NCOR2: variants seen among roughly 807,000 people sequenced by gnomAD.
NCOR2 encodes the protein nuclear receptor corepressor 2, also known as CTG repeat protein 26.
Under a neutral mutation model 262.9 loss-of-function variants are expected in NCOR2, and 81 were observed. The observed-to-expected ratio is 0.31, with a 90% CI of 0.26 to 0.37. The LOEUF (loss-of-function observed/expected upper bound fraction) is 0.37. NCOR2 is among the 10% of genes least tolerant of loss of function. The probability of loss-of-function intolerance (pLI) is 1.00; values close to 1 mark genes in which losing one functional copy is unlikely to be tolerated. For missense variants in NCOR2, 3,385 were observed against 3,621.4 expected (o/e 0.93, Z 1.68); for synonymous variants, 1,659 against 1,559.3 (o/e 1.06, Z -1.51).
At position 124,443,917 on chromosome 12, in the gene NCOR2, T is replaced by G. The variant is rs936589768; in HGVS notation, c.815+5898A>C. On this transcript the variant is annotated intron_variant, in intron 7 of 46. Transcript: ENST00000405201. The surrounding 1 kb of genome is among the most constrained non-coding windows in gnomAD (Gnocchi z 4.4). ...CAGGCCATCGGGCCACACCCCTTCATGGCCACAGGCTGGGAAACTGAGGCT... is the reference window on the plus strand; with the variant it reads ...CAGGCCATCGGGCCACACCCCTTCAGGGCCACAGGCTGGGAAACTGAGGCT... 6.6e-6 allele frequency among the ~76,000 whole-genome samples: 1 copy of G among 152,124 alleles called. No individual in the cohort carries two copies. Among genetic ancestry groups the G allele is most frequent in the Admixed American group, 6.5e-5 (1 of 15,270 alleles).
chr12:124,530,523 C>T (rs1357596319), intron 1 of NCOR2, among the ~76,000 whole-genome samples: 2 of 152,164 alleles, frequency 1.3e-5, no homozygotes, highest in Non-Finnish European at 2.9e-5. Flanking sequence ...TCACTCCATT[C>T]CCAGTACCCA....
intron 5 of NCOR2, among the ~76,000 whole-genome samples, chr12:124,463,513 G>A (rs1293764697): frequency 1.3e-5 from 2 of 152,226 alleles, no homozygotes; most frequent in East Asian, 1.9e-4. Flanking sequence ...GGGGAGGCGG[G>A]AAAAGCCTCG....
intron 1 of NCOR2, among the ~76,000 whole-genome samples, chr12:124,501,996 G>A (rs948669382): frequency 6.6e-6 from 1 of 152,242 alleles, no homozygotes; most frequent in African/African-American, 2.4e-5. Flanking sequence ...AGCTCCACGG[G>A]TCGAGCTGTT....
At chr12:124,338,036 C>T (rs540016098) in intron 37 of NCOR2, among the ~76,000 whole-genome samples, 4 of 152,372 alleles carry the variant, frequency 2.6e-5, no homozygotes, top group African/African-American at 9.6e-5. Flanking sequence ...GTGCTTCATG[C>T]ACCTGCTGGG....
intron 26 of NCOR2, 36 bp downstream of exon 28, chr12:124,354,442 G>A (rs930813788): frequency 1.3e-5 from 19 of 1,452,186 alleles, no homozygotes; most frequent in African/African-American, 5.7e-5. Context: ...AGGAACAGGG[G>A]CAGATGCTGG....
exon 10 of NCOR2, chr12:124,429,685 A>G: frequency 6.2e-7 from 1 of 1,607,644 alleles, no homozygotes; most frequent in African/African-American, 1.3e-5. Context: ...TGGACAGCCC[A>G]CTGCCCCGCT....
At chr12:124,331,551 G>T (rs562752171) in intron 43 of NCOR2, 12 of 154,066 alleles carry the variant, frequency 7.8e-5, no homozygotes, top group African/African-American at 2.9e-4. Flanking sequence ...TGACCTCCGA[G>T]GCTCAAGAAA....
At chr12:124,371,650 G>T (rs112835754) in intron 20 of NCOR2, among the ~76,000 whole-genome samples, 1 of 152,286 alleles carries the variant, frequency 6.6e-6, no homozygotes, top group Non-Finnish European at 1.5e-5. Context: ...CCTGCATGGT[G>T]CCCCCAGGCT....
intron 8 of NCOR2, among the ~76,000 whole-genome samples, chr12:124,436,755 G>T (rs2044356700): frequency 6.6e-6 from 1 of 152,174 alleles, no homozygotes; most frequent in Non-Finnish European, 1.5e-5. Flanking sequence ...TTCAGGTTCA[G>T]TTTGTCAATG....
chr12:124,509,163 C>G (rs1052433615), intron 1 of NCOR2, among the ~76,000 whole-genome samples: 5 of 151,860 alleles, frequency 3.3e-5, no homozygotes, highest in Non-Finnish European at 5.9e-5. Context: ...GCAACCACCC[C>G]CCCTGCACCC....
At chr12:124,479,580 C>T (rs1024647255) in intron 3 of NCOR2, among the ~76,000 whole-genome samples, 20 of 152,246 alleles carry the variant, frequency 1.3e-4, no homozygotes, top group Admixed American at 1.3e-4. Context: ...CACGCGCGCG[C>T]GCATGCACAC....
At chr12:124,363,207 C>G (rs371913367) in intron 21 of NCOR2, among the ~76,000 whole-genome samples, 2 of 152,204 alleles carry the variant, frequency 1.3e-5, no homozygotes, top group African/African-American at 4.8e-5. Flanking sequence ...TCTTTTAGCC[C>G]GGAGCCCCCA....
intron 1 of NCOR2, among the ~76,000 whole-genome samples, chr12:124,558,223 G>A (rs1007315934): frequency 6.6e-6 from 1 of 152,072 alleles, no homozygotes; most frequent in African/African-American, 2.4e-5. Flanking sequence ...AGCATCCCCA[G>A]ACAGATCCCC....
exon 40 of NCOR2, chr12:124,335,275 C>G (rs1227868876): frequency 1.9e-6 from 3 of 1,597,998 alleles, no homozygotes; most frequent in Non-Finnish European, 2.6e-6. Context: ...CCAAGCTTCA[C>G]GGGGCCTGCA....
rs557628706 is a variant in NCOR2, at chr12:124,549,926, C to T, written c.-164-14315G>A. On this transcript the variant is annotated intron_variant, in intron 1 of 32. Transcript: ENST00000458234. This position sits in a 1 kb window ranked among gnomAD's most constrained non-coding sequence, Gnocchi z 4.4. ...CAAGTATGTGAATGAACAAAATCTA[C>T]ATGCTGGGCGCAAGCTCCGAGGAAA... Among the ~76,000 whole-genome samples the T allele has an allele frequency of 3.2e-4, 48 of 152,334 alleles. No homozygotes were observed. The South Asian group carries it at 9.9e-3, about 32-fold the overall frequency.
upstream of NCOR2, among the ~76,000 whole-genome samples, chr12:124,540,468 GCTGGAGGGGGATGGGGA>G (rs2051259453): frequency 3.0e-5 from 1 of 32,994 alleles, no homozygotes; most frequent in African/African-American, 1.6e-4. Context: ...GAGGTGGAGA[GCTGGAGGGGGATGGGGA>G]GTGGAGCTGG....
chr12:124,339,365 CACCTACCTACCT>C (rs58198311), intron 37 of NCOR2, among the ~76,000 whole-genome samples: 4,035 of 130,838 alleles, frequency 0.031, 106 homozygotes, highest in African/African-American at 0.08. Context: ...TCCTCTTAGC[CACCTACCTACCT>C]ACCTACCTAC....
intron 32 of NCOR2, 36 bp downstream of exon 34, chr12:124,344,561 G>C: frequency 1.4e-6 from 2 of 1,412,402 alleles, no homozygotes; most frequent in South Asian, 1.6e-5. Context: ...CCAGACAGGC[G>C]CCCACCCCAC....
chr12:124,340,907 G>T (rs1192954931), intron 34 of NCOR2, among the ~76,000 whole-genome samples, 156 bp from the exon 37 acceptor site: 1 of 152,144 alleles, frequency 6.6e-6, no homozygotes, highest in African/African-American at 2.4e-5. Context: ...CACCAGCCAT[G>T]GAACCCTTTT....
Sources: gnomAD v4.1 joint callset for allele counts (sites outside exome capture counted in the v4.1 genomes callset) on GRCh38, gnomAD v4.1.1 for gene constraint, Gnocchi (gnomAD v3.1) non-coding constraint, MANE v1.5 for transcripts, NCBI Gene and HGNC (gene_info 2026-07-23, HGNC 2026-07-21) for gene names.